Variants in EPB41L3 observed in about 807,000 individuals in gnomAD.
EPB41L3 encodes the protein erythrocyte membrane protein band 4.1 like 3.
Under a neutral mutation model 127.1 loss-of-function variants are expected in EPB41L3, and 57 were observed. That is an observed-to-expected ratio of 0.45 (90% CI 0.36 to 0.56). The LOEUF is 0.56. EPB41L3 is among the 20% of genes least tolerant of loss of function. The pLI, the probability that EPB41L3 is intolerant of heterozygous loss-of-function variation, is 0.00. For synonymous variants in EPB41L3, 572 were observed against 549.5 expected (o/e 1.04, Z -0.57); for missense variants, 1,273 against 1,372.2 (o/e 0.93, Z 1.14).
At chr18:5,475,080 A>C (rs1370906678) in intron 3 of EPB41L3, among the ~76,000 whole-genome samples, 1 of 152,126 alleles carries the variant, frequency 6.6e-6, no homozygotes, top group Admixed American at 6.5e-5. Flanking sequence ...ATCCTCCACC[A>C]ATCTTATTTT....
At chr18:5,556,576 G>A (rs544856716) in intron 3 of EPB41L3, among the ~76,000 whole-genome samples, 3 of 152,254 alleles carry the variant, frequency 2.0e-5, no homozygotes, top group Non-Finnish European at 4.4e-5. Context: ...GGATGCCAGT[G>A]ATTAATCTCA....
At chr18:5,402,094 T>C (rs1044922146) in intron 16 of EPB41L3, among the ~76,000 whole-genome samples, 2 of 151,788 alleles carry the variant, frequency 1.3e-5, no homozygotes, top group African/African-American at 4.8e-5. Flanking sequence ...CTGCAGGACC[T>C]ACCCTGACAG....
chr18:5,530,551 T>C (rs1719978), intron 1 of EPB41L3, among the ~76,000 whole-genome samples: 39,899 of 151,760 alleles, frequency 0.26, 5,717 homozygotes, highest in African/African-American at 0.38. Context: ...GACTCATCTC[T>C]CCCACTGCCC....
rs148875719 is a variant in EPB41L3 at position 5,588,399 on chromosome 18, C to T, written c.-306+23941G>A. ...CTGGTATATTATTATAACACTAAAACAACGTTTTAATACACAAACTACATA... is the reference window on the plus strand; with the variant it reads ...CTGGTATATTATTATAACACTAAAATAACGTTTTAATACACAAACTACATA... On this transcript the variant is annotated intron_variant, in intron 3 of 21. Transcript: ENST00000545076. 2.5e-3 allele frequency among the ~76,000 whole-genome samples: 377 copies of T among 151,926 alleles called. 2 individuals carry two copies. Among genetic ancestry groups the T allele is most frequent in the African/African-American group, 4.0e-3 (167 of 41,432 alleles).
At chr18:5,529,980 T>C (rs919788534) in intron 1 of EPB41L3, among the ~76,000 whole-genome samples, 1 of 149,062 alleles carries the variant, frequency 6.7e-6, no homozygotes, top group Non-Finnish European at 1.5e-5. Context: ...GAACAGCAAG[T>C]GGGGCCATTC....
At chr18:5,396,898 A>G (rs1194918497) in intron 18 of EPB41L3, among the ~76,000 whole-genome samples, 160 bp downstream of exon 18, 1 of 152,026 alleles carries the variant, frequency 6.6e-6, no homozygotes, top group Non-Finnish European at 1.5e-5. Flanking sequence ...CAGTGTGGAG[A>G]CTCCTACTAG....
chr18:5,469,140 C>T (rs535191921), intron 3 of EPB41L3, among the ~76,000 whole-genome samples: 1 of 152,220 alleles, frequency 6.6e-6, no homozygotes, highest in Admixed American at 6.5e-5. Flanking sequence ...AGCTGTAACA[C>T]ACACAGGGCT....
chr18:5,443,087 G>A (rs1162059194), intron 5 of EPB41L3, among the ~76,000 whole-genome samples: 1 of 152,042 alleles, frequency 6.6e-6, no homozygotes, highest in Non-Finnish European at 1.5e-5. Context: ...CTATACAAAT[G>A]CACATTTTCC....
chr18:5,573,146 C>A (rs1051779839), intron 3 of EPB41L3, among the ~76,000 whole-genome samples: 7 of 152,162 alleles, frequency 4.6e-5, no homozygotes, highest in Non-Finnish European at 8.8e-5. Flanking sequence ...CATTTAAAAT[C>A]CTGACACATC....
In EPB41L3 at chr18:5,586,795, C is replaced by T. The variant is rs150692709; in HGVS notation, c.-306+25545G>A. ...ATTTCAAAAGATAACTATTTGGCAG[C>T]TTGATTATTCGGTTTGCTCTATGAA... On this transcript the variant is annotated intron_variant, in intron 3 of 21. Transcript: ENST00000545076. Among the ~76,000 whole-genome samples the T allele has an allele frequency of 4.2e-3, 636 of 152,192 alleles. 24 individuals carry two copies. In the South Asian group the frequency reaches 0.064, roughly 15 times the overall value.
intron 1 of EPB41L3, among the ~76,000 whole-genome samples, chr18:5,494,638 C>A (rs111512571): frequency 0.15 from 22,620 of 149,430 alleles, 1,823 homozygotes; most frequent in Non-Finnish European, 0.17. Context: ...GCCTGGGTGA[C>A]AAGAGTGAAA....
intron 1 of EPB41L3, among the ~76,000 whole-genome samples, chr18:5,515,369 G>A (rs544550689): frequency 5.3e-5 from 8 of 152,270 alleles, no homozygotes; most frequent in Non-Finnish European, 1.0e-4. Flanking sequence ...TCAACCATTT[G>A]CTATGAACAA....
At chr18:5,482,405 G>C (rs934043461) in intron 2 of EPB41L3, among the ~76,000 whole-genome samples, 2 of 152,172 alleles carry the variant, frequency 1.3e-5, no homozygotes, top group African/African-American at 2.4e-5. Flanking sequence ...TGGTATTCAG[G>C]AGGCAGCTCA....
At chr18:5,456,551 T>G (rs1052418810) in intron 3 of EPB41L3, among the ~76,000 whole-genome samples, 1 of 152,256 alleles carries the variant, frequency 6.6e-6, no homozygotes, top group African/African-American at 2.4e-5. Context: ...CATATCATAT[T>G]TTAGATGAGT....
rs756311216 is a variant in EPB41L3 at position 5,434,026 on chromosome 18, T to C, written c.701A>G (p.Gln234Arg). 1 of 1,614,154 alleles carries C rather than the reference T, an allele frequency of 6.2e-7. No individual in the cohort carries two copies. Among genetic ancestry groups the C allele is most frequent in the South Asian group, 1.1e-5 (1 of 91,084 alleles). ...TGGGTCATAGTCTCCGAGCTCTGAC[T>C]GGACAGTGTAGGAGCCCAGCAAGGC... ...TLALLGSYTVQSELGDYDPDE... is the reference protein window; with the variant it reads ...TLALLGSYTVRSELGDYDPDE... The change falls in exon 7 of 23, where the codon CAG (glutamine) becomes CGG (arginine). Residue 234 changes from glutamine to arginine, a missense_variant. By Grantham distance (43) the Gln-to-Arg change is conservative (BLOSUM62 1). Coordinates refer to ENST00000341928, the MANE Select transcript of EPB41L3 (RefSeq NM_012307.5).
At chr18:5,476,570 T>C (rs763551232) in intron 3 of EPB41L3, among the ~76,000 whole-genome samples, 2 of 152,228 alleles carry the variant, frequency 1.3e-5, no homozygotes, top group Admixed American at 6.5e-5. Flanking sequence ...CTTGGAAGAC[T>C]CTGATAGCTA....
At chr18:5,580,713 C>T (rs1055511782) in intron 3 of EPB41L3, among the ~76,000 whole-genome samples, 6 of 152,154 alleles carry the variant, frequency 3.9e-5, no homozygotes, top group African/African-American at 1.4e-4. Flanking sequence ...CAAATACACA[C>T]AAAATGCTGC....
At chr18:5,434,227 CCT>C in intron 6 of EPB41L3, 106 bp from the exon 7 acceptor site, 1 of 787,170 alleles carries the variant, frequency 1.3e-6, no homozygotes, top group African/African-American at 1.7e-5. Flanking sequence ...TGTAGAACAG[CCT>C]CTCTAGGATA....
At chr18:5,503,550 C>G (rs532683958) in intron 1 of EPB41L3, among the ~76,000 whole-genome samples, 2 of 152,196 alleles carry the variant, frequency 1.3e-5, no homozygotes, top group Non-Finnish European at 2.9e-5. Context: ...GTGGTGAGAT[C>G]GCATTATCTG....
Sources: gnomAD v4.1 joint callset for allele counts (sites outside exome capture counted in the v4.1 genomes callset) on GRCh38, gnomAD v4.1.1 for gene constraint, MANE v1.5 for transcripts, NCBI Gene and HGNC (gene_info 2026-07-23, HGNC 2026-07-21) for gene names.